The following CDH1 variants were observed in gnomAD, a reference collection of about 807,000 sequenced individuals.
CDH1 encodes cadherin 1.
CDH1 carries 35 observed loss-of-function variants against 84.5 expected under a neutral mutation model. That is an observed-to-expected ratio of 0.41 (90% CI 0.32 to 0.55). The LOEUF (loss-of-function observed/expected upper bound fraction) is 0.55. Among genes scored for constraint, CDH1 ranks in the 20% least tolerant of loss-of-function variants. The probability of loss-of-function intolerance (pLI) is 0.19; values close to 1 mark genes in which losing one functional copy is unlikely to be tolerated. For synonymous variants in CDH1, 417 were observed against 439.0 expected (o/e 0.95, Z 0.63); for missense variants, 994 against 1,126.6 (o/e 0.88, Z 1.68).
At chr16:68,808,899 T>A in intron 5 of CDH1, 51 bp downstream of exon 5, 1 of 1,597,202 alleles carries the variant, frequency 6.3e-7, no homozygotes, top group Non-Finnish European at 8.6e-7. Flanking sequence ...CCACCCAGGA[T>A]TTTTTGGTCA....
rs876658414 is a variant in CDH1 at position 68,811,847 on chromosome 16, G to C, written c.996G>C (p.Gly332=). 1 of 1,614,146 alleles carries C rather than the reference G, an allele frequency of 6.2e-7. No individual in the cohort carries two copies. Among genetic ancestry groups the C allele is most frequent in the East Asian group, 2.2e-5 (1 of 44,878 alleles). Residue 332 remains glycine, a synonymous_variant, in exon 7 of 16, where the codon GGG becomes GGC. Coordinates refer to ENST00000261769, the MANE Select transcript of CDH1 (RefSeq NM_004360.5). ...NTGVISVVTT[G]LDRESFPTYT... ...GAGTCATCAGTGTGGTCACCACTGG[G>C]CTGGACCGAGAGGTCAGGGGTCAGG...
At chr16:68,759,411 A>G (rs1248128754) in intron 2 of CDH1, among the ~76,000 whole-genome samples, 1 of 151,556 alleles carries the variant, frequency 6.6e-6, no homozygotes, top group African/African-American at 2.4e-5. Flanking sequence ...TCAACTGTTC[A>G]TGTATGATCT....
chr16:68,798,492 G>A (rs1960419579), intron 2 of CDH1, among the ~76,000 whole-genome samples: 1 of 152,144 alleles, frequency 6.6e-6, no homozygotes, highest in Admixed American at 6.6e-5. Flanking sequence ...TGAGCACCTG[G>A]AATTCAGGTT....
chr16:68,804,260 T>A (rs1046882138), intron 3 of CDH1, among the ~76,000 whole-genome samples: 1 of 151,950 alleles, frequency 6.6e-6, no homozygotes, highest in Middle Eastern at 3.4e-3. Flanking sequence ...ACTACAGGCA[T>A]CCGCCACCAC....
chr16:68,787,990 T>C (rs529100497), intron 2 of CDH1, among the ~76,000 whole-genome samples: 3 of 152,102 alleles, frequency 2.0e-5, no homozygotes, highest in Non-Finnish European at 2.9e-5. Flanking sequence ...CACGCCCCGC[T>C]AATTTTTTGT....
chr16:68,770,908 A>G (rs921172638), intron 2 of CDH1: 2 of 151,426 alleles, frequency 1.3e-5, no homozygotes, highest in Non-Finnish European at 1.5e-5. Context: ...CTTCTGAAGG[A>G]CAGATAAGTG....
At position 68,737,443 on chromosome 16, in the gene CDH1, G is replaced by A. The variant is rs1053572488; in HGVS notation, c.28G>A (p.Ala10Thr). The change falls in exon 1 of 16, where the codon GCG (alanine) becomes ACG (threonine). Residue 10 changes from alanine (A) to threonine (T), a missense_variant. Ala to Thr is a moderately conservative substitution (Grantham distance 58). Coordinates refer to ENST00000261769, the MANE Select transcript of CDH1 (RefSeq NM_004360.5). ...GGGCCCTTGGAGCCGCAGCCTCTCG[G>A]CGCTGCTGCTGCTGCTGCAGGTACC... MGPWSRSLS[A>T]LLLLLQVSSW... 3 of 1,535,724 alleles carry A rather than the reference G, an allele frequency of 2.0e-6. No homozygotes were observed. Among genetic ancestry groups the A allele is most frequent in the Non-Finnish European group, 2.6e-6 (3 of 1,147,584 alleles).
At chr16:68,799,790 A>G (rs1960448945) in intron 2 of CDH1, among the ~76,000 whole-genome samples, 1 of 152,088 alleles carries the variant, frequency 6.6e-6, no homozygotes, top group Non-Finnish European at 1.5e-5. Flanking sequence ...AGGTGGATGG[A>G]TCACCTGAGG....
intron 2 of CDH1, among the ~76,000 whole-genome samples, chr16:68,775,549 T>C (rs946285791): frequency 8.5e-5 from 13 of 152,338 alleles, no homozygotes; most frequent in African/African-American, 2.9e-4. Context: ...TTCGGTTGGA[T>C]TCTAGGAGCA....
chr16:68,777,183 A>G (rs1025994981), intron 2 of CDH1, among the ~76,000 whole-genome samples: 2 of 152,210 alleles, frequency 1.3e-5, no homozygotes, highest in Non-Finnish European at 2.9e-5. Flanking sequence ...CAAGCCTCAT[A>G]GGCAGAAAAC....
chr16:68,785,895 T>C (rs1255508231), intron 2 of CDH1, among the ~76,000 whole-genome samples: 2 of 152,280 alleles, frequency 1.3e-5, no homozygotes, highest in Non-Finnish European at 2.9e-5. Flanking sequence ...GTCATTTTTG[T>C]GTGCAAGCTT....
chr16:68,801,968 C>T, intron 3 of CDH1, 75 bp downstream of exon 3: 1 of 1,238,202 alleles, frequency 8.1e-7, no homozygotes, highest in Non-Finnish European at 1.2e-6. Context: ...AGCCTTGGTA[C>T]CGTTGACATT....
intron 2 of CDH1, among the ~76,000 whole-genome samples, chr16:68,766,929 G>A (rs991794102): frequency 1.6e-4 from 24 of 151,802 alleles, no homozygotes; most frequent in Non-Finnish European, 3.2e-4. Context: ...GTTTCACCAC[G>A]TTGGCTAGGC....
chr16:68,812,362 T>C (rs2152132869), intron 8 of CDH1, 99 bp downstream of exon 8: 1 of 1,263,674 alleles, frequency 7.9e-7, no homozygotes, highest in East Asian at 2.3e-5. Context: ...TTGAAAACTC[T>C]CTCCAGACTA....
At chr16:68,827,956 C>T (rs546782056) in intron 13 of CDH1, among the ~76,000 whole-genome samples, 4 of 152,190 alleles carry the variant, frequency 2.6e-5, no homozygotes. Context: ...AAGGACCATG[C>T]TTGAGTTCAC....
At chr16:68,755,102 C>T (rs1193311988) in intron 2 of CDH1, among the ~76,000 whole-genome samples, 1 of 151,792 alleles carries the variant, frequency 6.6e-6, no homozygotes, top group Non-Finnish European at 1.5e-5. Flanking sequence ...CATGATAGAA[C>T]CCCGCCTCTA....
rs905183345 is a variant in CDH1 at position 68,833,908 on chromosome 16, TA to T, written c.*417del. On this transcript the variant is annotated 3_prime_UTR_variant, in exon 16 of 16. Coordinates refer to ENST00000261769, the MANE Select transcript of CDH1 (RefSeq NM_004360.5). ...CTGTTGTTTTGTGTATATAATTTTT[TA>T]AAAAAAATTTGTGTGCTTCTGCTCA... 4 of 335,410 alleles carry T rather than the reference TA, an allele frequency of 1.2e-5. No homozygotes were observed. Among genetic ancestry groups the T allele is most frequent in the Non-Finnish European group, 2.2e-5 (4 of 180,244 alleles). 20.8% of individuals were successfully genotyped at this position (335,410 alleles called of 1,614,324 possible).
intron 2 of CDH1, among the ~76,000 whole-genome samples, chr16:68,787,753 G>A (rs1230740931): frequency 6.6e-6 from 1 of 151,654 alleles, no homozygotes; most frequent in African/African-American, 2.4e-5. Context: ...CTGCCTCCTG[G>A]GTTCAAGCAG....
At chr16:68,821,659 T>G (rs1267737345) in intron 11 of CDH1, among the ~76,000 whole-genome samples, 1 of 151,972 alleles carries the variant, frequency 6.6e-6, no homozygotes, top group Non-Finnish European at 1.5e-5. Flanking sequence ...AAAGGAGAAC[T>G]AGGGAAACAA....
Sources: gnomAD v4.1 joint callset for allele counts (sites outside exome capture counted in the v4.1 genomes callset) on GRCh38, gnomAD v4.1.1 for gene constraint, MANE v1.5 for transcripts, NCBI Gene and HGNC (gene_info 2026-07-23, HGNC 2026-07-21) for gene names.